Variants in GRIA2 observed in about 807,000 individuals in gnomAD.
GRIA2 encodes glutamate receptor 2.
A neutral mutation model predicts 97.3 loss-of-function variants in GRIA2; 14 were observed. The ratio of observed to expected loss-of-function variants is 0.14; its 90% CI spans 0.10 to 0.23. The LOEUF is 0.23. Among genes scored for constraint, GRIA2 ranks in the 10% least tolerant of loss-of-function variants. The pLI, the probability that GRIA2 is intolerant of heterozygous loss-of-function variation, is 1.00. For missense variants in GRIA2, 558 were observed against 1,069.8 expected (o/e 0.52, Z 6.67); for synonymous variants, 412 against 387.8 (o/e 1.06, Z -0.73).
At chr4:157,362,499 CTATT>C (rs1396561242) in intron 14 of GRIA2, 2 of 514,056 alleles carry the variant, frequency 3.9e-6, no homozygotes, top group Non-Finnish European at 7.5e-6. Context: ...TGGAATATAA[CTATT>C]TATCAATTTA....
intron 2 of GRIA2, among the ~76,000 whole-genome samples, chr4:157,287,160 C>T (rs1454052483): frequency 6.6e-6 from 1 of 151,488 alleles, no homozygotes; most frequent in Non-Finnish European, 1.5e-5. Flanking sequence ...CCAGGATGAT[C>T]TCATATAACT....
At chr4:157,285,737 T>C (rs752084135) in intron 2 of GRIA2, among the ~76,000 whole-genome samples, 7 of 151,536 alleles carry the variant, frequency 4.6e-5, no homozygotes, top group Non-Finnish European at 7.4e-5. Context: ...GGTGTAATAG[T>C]TGAAAGTGTC....
Position 157,331,690 on chromosome 4 carries a change from G to A in GRIA2, c.883-1129G>A, listed in dbSNP as rs565445287. 3.9e-5 allele frequency among the ~76,000 whole-genome samples: 6 copies of A among 152,038 alleles called. No homozygotes were observed. The South Asian group carries it at 1.0e-3, about 26-fold the overall frequency. ...AACAACAGAGTATGGGGAGCTTAGT[G>A]GTTTTACTGTTAGATGGCTTATCTT... On this transcript the variant is annotated intron_variant, in intron 6 of 15. Coordinates refer to ENST00000264426, the MANE Select transcript of GRIA2 (RefSeq NM_001083619.3).
intron 2 of GRIA2, among the ~76,000 whole-genome samples, chr4:157,271,821 A>G (rs995152374): frequency 1.3e-5 from 2 of 152,112 alleles, no homozygotes; most frequent in African/African-American, 4.8e-5. Flanking sequence ...TCATTTGCCT[A>G]TAGAAAGACA....
chr4:157,315,558 T>C (rs925228812), intron 4 of GRIA2, among the ~76,000 whole-genome samples: 3 of 146,626 alleles, frequency 2.0e-5, no homozygotes, highest in Non-Finnish European at 4.5e-5. Flanking sequence ...TTTGTTTTGT[T>C]TTTGACACAG....
chr4:157,232,620 T>G (rs1730068560), intron 2 of GRIA2, among the ~76,000 whole-genome samples: 1 of 152,156 alleles, frequency 6.6e-6, no homozygotes, highest in Admixed American at 6.5e-5. Flanking sequence ...AGGCAACAAT[T>G]CAGAAAGGGA....
intron 12 of GRIA2, among the ~76,000 whole-genome samples, chr4:157,359,339 A>G (rs1736534630): frequency 6.6e-6 from 1 of 152,184 alleles, no homozygotes; most frequent in South Asian, 2.1e-4. Flanking sequence ...AGAAAACTTC[A>G]ATGGCCAAAG....
chr4:157,321,479 T>G lies in GRIA2; in HGVS notation c.762T>G (p.Gly254=). The G allele has an allele frequency of 6.2e-7, 1 of 1,609,970 alleles. No individual in the cohort carries two copies. The highest frequency in any genetic ancestry group is 8.5e-7 in the Non-Finnish European group (1 of 1,176,498). Residue 254 remains glycine, a synonymous_variant, in exon 6 of 16, where the codon GGT becomes GGG. Transcript: ENST00000264426. The part of the protein sequence containing the change: ...DGDLLKIQFG[G]ANVSGFQIVD... ...ACCTATTAAAAATCCAGTTTGGAGG[T>G]GCAAATGTCTCTGGATTTCAGATAG...
At chr4:157,321,240 C>A (rs1312381604) in intron 5 of GRIA2, among the ~76,000 whole-genome samples, 198 bp from the exon 6 acceptor site, 2 of 152,084 alleles carry the variant, frequency 1.3e-5, no homozygotes, top group Admixed American at 1.3e-4. Flanking sequence ...ATTAGGGAAC[C>A]ACTATGATGC....
chr4:157,277,894 A>ATATATATG (rs1177622676), intron 2 of GRIA2, among the ~76,000 whole-genome samples: 1 of 144,744 alleles, frequency 6.9e-6, no homozygotes, highest in Non-Finnish European at 1.5e-5. Flanking sequence ...ATATATGTAT[A>ATATATATG]TATATATGTA....
At chr4:157,329,430 A>G (rs1245668947) in intron 6 of GRIA2, among the ~76,000 whole-genome samples, 1 of 151,998 alleles carries the variant, frequency 6.6e-6, no homozygotes, top group African/African-American at 2.4e-5. Context: ...GAAGTATGTT[A>G]CATAAAACAC....
chr4:157,303,791 G>A lies in GRIA2; in HGVS notation c.469G>A (p.Gly157Ser). 6.2e-7 allele frequency: 1 copy of A among 1,613,534 alleles called. No individual in the cohort carries two copies. Among genetic ancestry groups the A allele is most frequent in the Non-Finnish European group, 8.5e-7 (1 of 1,179,530 alleles). ...KFAYLYDSDR[G>S]LSTLQAVLDS... is the part of the protein sequence containing the mutation. ...TGCATACCTCTATGACAGTGACAGA[G>A]GTAAGTGACAGTATCTCATCTCTTT... is the stretch of plus-strand genomic sequence containing the variant. The change falls in exon 3 of 16, where the codon GGC (glycine) becomes AGC (serine). Residue 157 changes from glycine to serine, a missense_variant and splice_region_variant. By Grantham distance (56) the Gly-to-Ser change is moderately conservative (BLOSUM62 0). Around this residue, in one of 8 missense-constraint regions of GRIA2, gnomAD observed 173 missense variants for 209.1 expected, o/e 0.83. Coordinates refer to ENST00000264426, the MANE Select transcript of GRIA2 (RefSeq NM_001083619.3).
intron 12 of GRIA2, among the ~76,000 whole-genome samples, chr4:157,351,731 T>G (rs578124321): frequency 6.6e-6 from 1 of 152,274 alleles, no homozygotes; most frequent in East Asian, 1.9e-4. Context: ...CATGCTGTTC[T>G]TGTGATAGTG....
Position 157,336,571 on chromosome 4 carries a change from G to A in GRIA2, c.1668G>A (p.Gly556=), listed in dbSNP as rs1454032162. The A allele has an allele frequency of 6.2e-7, 1 of 1,612,936 alleles. No homozygotes were observed. The highest frequency in any genetic ancestry group is 8.5e-7 in the Non-Finnish European group (1 of 1,179,142). The change falls in exon 11 of 16, where the codon GGG becomes GGA. Residue 556 remains glycine, a synonymous_variant. Transcript: ENST00000264426. ...IWMCIVFAYI[G]VSVVLFLVSR... is the part of the protein sequence containing the mutation. Reference sequence around the variant, plus strand: ...TGTGCATTGTTTTTGCCTACATTGGGGTCAGTGTAGTTTTATTCCTGGTCA... The same window carrying A: ...TGTGCATTGTTTTTGCCTACATTGGAGTCAGTGTAGTTTTATTCCTGGTCA...
chr4:157,303,069 T>C (rs1024944427), intron 2 of GRIA2, among the ~76,000 whole-genome samples: 2 of 152,154 alleles, frequency 1.3e-5, no homozygotes, highest in Non-Finnish European at 2.9e-5. Context: ...CTGGTATCTA[T>C]CTTGTCTTAA....
chr4:157,314,507 G>T (rs191408109), intron 4 of GRIA2, among the ~76,000 whole-genome samples: 1 of 152,190 alleles, frequency 6.6e-6, no homozygotes, highest in East Asian at 1.9e-4. Context: ...TAACCTGAAG[G>T]CCTCTTGTTC....
intron 2 of GRIA2, among the ~76,000 whole-genome samples, chr4:157,248,234 A>G (rs1238544746): frequency 1.3e-5 from 2 of 151,558 alleles, no homozygotes; most frequent in Non-Finnish European, 2.9e-5. Context: ...GTATATTAAA[A>G]ACAGATAAAG....
intron 4 of GRIA2, among the ~76,000 whole-genome samples, chr4:157,314,631 TAATA>T (rs1269092554): frequency 6.6e-6 from 1 of 152,168 alleles, no homozygotes; most frequent in Admixed American, 6.6e-5. Context: ...TGACTCATCA[TAATA>T]AATGTTAGTG....
In GRIA2 at chr4:157,246,017, CTG is replaced by C. The variant is rs142280073; in HGVS notation, c.229+24211_229+24212del. On this transcript the variant is annotated intron_variant, in intron 2 of 15. Coordinates refer to ENST00000264426, the MANE Select transcript of GRIA2 (RefSeq NM_001083619.3). The stretch of plus-strand genomic sequence containing the variant: ...ATTTTTTTCTGATAAAAAAAACAAA[CTG>C]AAACCTACATTGTGCAAGAGTAATA... Among the ~76,000 whole-genome samples the C allele has an allele frequency of 7.2e-3, 1,100 of 152,120 alleles. 16 individuals carry two copies. The highest frequency in any genetic ancestry group is 0.024 in the African/African-American group (1,005 of 41,522).
Sources: allele counts gnomAD v4.1 joint callset (sites outside exome capture counted in the v4.1 genomes callset), GRCh38; gene constraint gnomAD v4.1.1; regional missense constraint gnomAD v4.1.1; transcripts MANE v1.5; gene names NCBI Gene and HGNC (gene_info 2026-07-23, HGNC 2026-07-21).